Variants in SEC63 observed in about 807,000 individuals in gnomAD.
SEC63 encodes SEC63 protein translocation regulator, also known as translocation protein SEC63 homolog.
In SEC63, 56 loss-of-function variants were observed where a neutral mutation model predicts 116.2. The observed-to-expected ratio is 0.48, with a 90% CI of 0.39 to 0.60. The LOEUF is 0.60. Among genes scored for constraint, SEC63 ranks in the 20% least tolerant of loss-of-function variants. SEC63 has a pLI of 0.00. For missense variants in SEC63, 668 were observed against 900.0 expected, an observed-to-expected ratio of 0.74 and a Z score of 3.30; for synonymous variants, 273 against 294.6, an observed-to-expected ratio of 0.93 and a Z score of 0.75.
chr6:107,898,928 C>T lies in SEC63; in HGVS notation c.1358-1197G>A, dbSNP rs114383488. 3.2e-3 allele frequency among the ~76,000 whole-genome samples: 482 copies of T among 152,276 alleles called. 1 individual carries two copies. Among genetic ancestry groups the T allele is most frequent in the African/African-American group, 0.011 (444 of 41,548 alleles). Reference sequence around the variant, plus strand: ...ATCTGCAATTGCTATCTCCATTACCCGCTACAAGGTGCAGCAGCTGGGTAT... The same window carrying T: ...ATCTGCAATTGCTATCTCCATTACCTGCTACAAGGTGCAGCAGCTGGGTAT... On this transcript the variant is annotated intron_variant, in intron 13 of 20. Transcript: ENST00000369002.
At chr6:107,921,486 C>T (rs1336554761) in intron 4 of SEC63, among the ~76,000 whole-genome samples, 1 of 149,858 alleles carries the variant, frequency 6.7e-6, no homozygotes, top group Non-Finnish European at 1.5e-5. Context: ...TGGAGTATTA[C>T]TGTCATCGAA....
intron 17 of SEC63, among the ~76,000 whole-genome samples, chr6:107,882,152 G>C (rs914524083): frequency 6.6e-6 from 1 of 152,168 alleles, no homozygotes; most frequent in Non-Finnish European, 1.5e-5. Context: ...CCAAGGACAA[G>C]TGTGTTATTA....
intron 19 of SEC63, among the ~76,000 whole-genome samples, chr6:107,873,630 A>AT (rs1786185625): frequency 1.7e-5 from 1 of 57,288 alleles, no homozygotes; most frequent in Admixed American, 2.3e-4. Context: ...CCTAGAAACT[A>AT]TTAAAAAAAA....
intron 4 of SEC63, among the ~76,000 whole-genome samples, chr6:107,920,507 T>C (rs533772851): frequency 3.3e-5 from 5 of 151,590 alleles, no homozygotes; most frequent in African/African-American, 9.7e-5. Flanking sequence ...AACTTTTATA[T>C]GCAGTAGGAA....
At chr6:107,876,814 A>G (rs1786286293) in intron 18 of SEC63, 152 bp from the exon 19 acceptor site, 1 of 622,868 alleles carries the variant, frequency 1.6e-6, no homozygotes, top group Non-Finnish European at 2.8e-6. Context: ...ATATTTACTG[A>G]AAGAATAAGC....
intron 1 of SEC63, among the ~76,000 whole-genome samples, chr6:107,949,361 T>TTC (rs1382006066): frequency 3.3e-5 from 5 of 152,126 alleles, no homozygotes; most frequent in African/African-American, 1.2e-4. Context: ...GAAAATGAGA[T>TTC]GTGAGCAGTG....
chr6:107,936,982 A>T (rs920969438), intron 1 of SEC63, among the ~76,000 whole-genome samples: 2 of 152,166 alleles, frequency 1.3e-5, no homozygotes, highest in Non-Finnish European at 2.9e-5. Context: ...TCCCACTTAT[A>T]AGTCAGAACA....
At chr6:107,896,853 C>A (rs1226173184) in intron 14 of SEC63, among the ~76,000 whole-genome samples, 1 of 151,926 alleles carries the variant, frequency 6.6e-6, no homozygotes, top group South Asian at 2.1e-4. Flanking sequence ...GTGGCGTGTG[C>A]CTGTAATCCC....
chr6:107,954,520 G>C (rs1583784796), intron 1 of SEC63: 1 of 99,846 alleles, frequency 1.0e-5, no homozygotes. Context: ...TTTTAGAAAA[G>C]TAACACAGCG....
In SEC63 at chr6:107,868,910, T is replaced by G. The variant is rs1056553973; in HGVS notation, c.*2794A>C. Reference sequence around the variant, plus strand: ...TTACATTTGAAATAAGAATTGTGACTACAGAACACTCTAGTATATGGTTTG... The same window carrying G: ...TTACATTTGAAATAAGAATTGTGACGACAGAACACTCTAGTATATGGTTTG... On this transcript the variant is annotated 3_prime_UTR_variant, in exon 21 of 21. Coordinates refer to ENST00000369002, the MANE Select transcript of SEC63 (RefSeq NM_007214.5). 6.6e-6 allele frequency: 1 copy of G among 152,194 alleles called. No individual in the cohort carries two copies. Among genetic ancestry groups the G allele is most frequent in the South Asian group, 2.1e-4 (1 of 4,832 alleles). 9.4% of individuals were successfully genotyped at this position (152,194 alleles called of 1,614,324 possible).
intron 16 of SEC63, among the ~76,000 whole-genome samples, chr6:107,889,311 T>C (rs1310712889): frequency 6.6e-6 from 1 of 152,196 alleles, no homozygotes; most frequent in Non-Finnish European, 1.5e-5. Context: ...CTTAATGATT[T>C]AGTCCTGGGA....
intron 1 of SEC63, among the ~76,000 whole-genome samples, chr6:107,937,871 C>T (rs1490675915): frequency 2.0e-5 from 3 of 152,142 alleles, no homozygotes; most frequent in African/African-American, 4.8e-5. Context: ...CTTTTGCCCA[C>T]TTAATGGGGA....
chr6:107,888,412 G>T (rs1436710246), intron 16 of SEC63, among the ~76,000 whole-genome samples: 1 of 152,104 alleles, frequency 6.6e-6, no homozygotes, highest in Non-Finnish European at 1.5e-5. Flanking sequence ...TTGGTGTATA[G>T]GAATGCTTGT....
chr6:107,922,218 A>G (rs912159231), intron 3 of SEC63, among the ~76,000 whole-genome samples: 10 of 152,254 alleles, frequency 6.6e-5, no homozygotes, highest in Non-Finnish European at 1.0e-4. Context: ...CTGACATTTA[A>G]ATATCAAAAA....
At chr6:107,917,294 T>C (rs1045407386) in intron 4 of SEC63, among the ~76,000 whole-genome samples, 1 of 152,234 alleles carries the variant, frequency 6.6e-6, no homozygotes, top group Non-Finnish European at 1.5e-5. Flanking sequence ...TTAATAGATA[T>C]GTGGGTAAAT....
At chr6:107,935,034 G>C (rs1770174044) in intron 1 of SEC63, among the ~76,000 whole-genome samples, 1 of 136,056 alleles carries the variant, frequency 7.3e-6, no homozygotes, top group South Asian at 2.5e-4. Flanking sequence ...CCGTCCGGGA[G>C]GTGAGGGGCG....
intron 1 of SEC63, among the ~76,000 whole-genome samples, chr6:107,947,727 T>C (rs1446525614): frequency 6.6e-6 from 1 of 152,158 alleles, no homozygotes; most frequent in Non-Finnish European, 1.5e-5. Context: ...CTCTCCTCAG[T>C]ACTTATATTC....
chr6:107,896,995 AGAAG>A (rs1041348974), intron 14 of SEC63, among the ~76,000 whole-genome samples: 28 of 151,620 alleles, frequency 1.8e-4, no homozygotes, highest in Admixed American at 5.3e-4. Context: ...GAAAAAAAAA[AGAAG>A]GAAGGGAGGG....
At position 107,906,523 on chromosome 6, in the gene SEC63, G is replaced by A; in HGVS notation, c.886C>T (p.Pro296Ser). 1 of 1,613,416 alleles carries A rather than the reference G, an allele frequency of 6.2e-7. No individual in the cohort carries two copies. The highest frequency in any genetic ancestry group is 8.5e-7 in the Non-Finnish European group (1 of 1,179,436). Residue 296 changes from proline (P) to serine (S), a missense_variant, in exon 10 of 21, where the codon CCA becomes TCA. Transcript: ENST00000369002. ...AGAACTCTGGCCTTCAGGCTATATGGGCAGGTAAGTGGAGGCTCATTCTTC... is the reference window on the plus strand; with the variant it reads ...AGAACTCTGGCCTTCAGGCTATATGAGCAGGTAAGTGGAGGCTCATTCTTC... ...LKKNEPPLTCPYSLKARVLLL... is the reference protein window; with the variant it reads ...LKKNEPPLTCSYSLKARVLLL...
Sources: allele counts gnomAD v4.1 joint callset (sites outside exome capture counted in the v4.1 genomes callset), GRCh38; gene constraint gnomAD v4.1.1; transcripts MANE v1.5; gene names NCBI Gene and HGNC (gene_info 2026-07-23, HGNC 2026-07-21).